Variants in FRMPD4 observed in about 807,000 individuals in gnomAD.
The protein encoded by FRMPD4 is FERM and PDZ domain containing 4.
Under a neutral mutation model 94.1 loss-of-function variants are expected in FRMPD4, and 22 were observed. That is an observed-to-expected ratio of 0.23 (90% CI 0.17 to 0.33). The LOEUF (loss-of-function observed/expected upper bound fraction) is 0.33, where lower values mean the gene tolerates loss of function less well. FRMPD4 is among the 10% of genes least tolerant of loss of function. The pLI, the probability that FRMPD4 is intolerant of heterozygous loss-of-function variation, is 1.00. For synonymous variants in FRMPD4, 631 were observed against 548.6 expected (o/e 1.15, Z -2.10); for missense variants, 1,111 against 1,339.9 (o/e 0.83, Z 2.67).
intron 3 of FRMPD4, among the ~76,000 whole-genome samples, chrX:11,880,584 T>G (rs190486367): frequency 8.9e-6 from 1 of 112,061 alleles, no homozygotes; most frequent in Non-Finnish European, 1.9e-5. Context: ...GTGCAATTTT[T>G]TTTGTTTTCC....
chrX:12,544,496 G>C (rs61522124), intron 2 of FRMPD4, among the ~76,000 whole-genome samples: 2 of 111,450 alleles, frequency 1.8e-5, no homozygotes, highest in African/African-American at 6.6e-5. Flanking sequence ...GGTTATTTCT[G>C]TTCTCATTTT....
At chrX:12,126,301 G>T (rs1257004100) in intron 3 of FRMPD4, among the ~76,000 whole-genome samples, 1 of 112,068 alleles carries the variant, frequency 8.9e-6, no homozygotes, top group Non-Finnish European at 1.9e-5. Context: ...AGGTCAGAAT[G>T]AATAGATAAT....
intron 2 of FRMPD4, among the ~76,000 whole-genome samples, chrX:12,520,642 T>G (rs1455088085): frequency 3.6e-5 from 4 of 112,070 alleles, no homozygotes; most frequent in Non-Finnish European, 5.6e-5. Context: ...TGCCTTACTC[T>G]TTGAGTTTCA....
intron 1 of FRMPD4, among the ~76,000 whole-genome samples, chrX:12,218,281 C>A (rs1365639158): frequency 9.0e-6 from 1 of 111,678 alleles, no homozygotes; most frequent in Non-Finnish European, 1.9e-5. Flanking sequence ...CAGTGACTTT[C>A]AAAAATGGTT....
chrX:12,638,868 G>A (rs772798175), intron 4 of FRMPD4, among the ~76,000 whole-genome samples: 1 of 110,817 alleles, frequency 9.0e-6, no homozygotes, highest in Non-Finnish European at 1.9e-5. Context: ...AGTTAATACC[G>A]GTAAAAATGT....
intron 8 of FRMPD4, among the ~76,000 whole-genome samples, chrX:12,692,949 G>A (rs1221494216): frequency 9.0e-6 from 1 of 111,516 alleles, no homozygotes; most frequent in Non-Finnish European, 1.9e-5. Flanking sequence ...CCAGTGATAA[G>A]TAGCCCATAG....
At chrX:11,978,321 C>CAAAAAAAAAAA (rs1172824155) in intron 3 of FRMPD4, among the ~76,000 whole-genome samples, 1 of 16,365 alleles carries the variant, frequency 6.1e-5, no homozygotes, top group Non-Finnish European at 1.0e-4. Context: ...AACTCCATCT[C>CAAAAAAAAAAA]AAAAAAAAAA....
intron 14 of FRMPD4, among the ~76,000 whole-genome samples, chrX:12,710,889 G>C (rs2041974027): frequency 9.0e-6 from 1 of 111,301 alleles, no homozygotes; most frequent in Non-Finnish European, 1.9e-5. Context: ...CTGGGTGACA[G>C]AGTGAGACTC....
intron 4 of FRMPD4, among the ~76,000 whole-genome samples, chrX:12,644,788 T>A (rs908294297): frequency 8.9e-6 from 1 of 112,016 alleles, no homozygotes; most frequent in South Asian, 3.7e-4. Flanking sequence ...AAGCTGAAAG[T>A]ACCACTCACA....
intron 2 of FRMPD4, among the ~76,000 whole-genome samples, chrX:12,565,313 A>G (rs55873771): frequency 0.44 from 48,864 of 110,047 alleles, 8,201 homozygotes; most frequent in Non-Finnish European, 0.52. Flanking sequence ...CTTGATTCCA[A>G]ACAGTAGAGT....
intron 3 of FRMPD4, among the ~76,000 whole-genome samples, chrX:12,101,460 T>A (rs1452409949): frequency 8.9e-6 from 1 of 111,919 alleles, no homozygotes; most frequent in Non-Finnish European, 1.9e-5. Context: ...GTTTAATCCC[T>A]CTTCTACATG....
intron 2 of FRMPD4, among the ~76,000 whole-genome samples, chrX:12,525,193 A>G (rs2058209794): frequency 9.0e-6 from 1 of 110,989 alleles, no homozygotes; most frequent in Non-Finnish European, 1.9e-5. Flanking sequence ...TTCTGATACC[A>G]AAGACTACCC....
At chrX:12,441,108 C>A (rs2057131434) in intron 1 of FRMPD4, among the ~76,000 whole-genome samples, 1 of 112,177 alleles carries the variant, frequency 8.9e-6, no homozygotes, top group Non-Finnish European at 1.9e-5. Context: ...GAACAACCTC[C>A]TCTTCACTGT....
intron 1 of FRMPD4, among the ~76,000 whole-genome samples, chrX:12,329,969 C>A (rs961971908): frequency 1.0e-4 from 11 of 110,023 alleles, no homozygotes; most frequent in African/African-American, 3.6e-4. Flanking sequence ...GCTTTTTCCA[C>A]CCCAGCTGTG....
intron 3 of FRMPD4, among the ~76,000 whole-genome samples, chrX:11,965,737 T>C (rs966368432): frequency 1.8e-5 from 2 of 111,924 alleles, no homozygotes; most frequent in Non-Finnish European, 3.8e-5. Flanking sequence ...TCTCTCAGCA[T>C]CTTAAATTTA....
chrX:12,504,001 C>T (rs1464853554), intron 2 of FRMPD4, among the ~76,000 whole-genome samples: 1 of 111,951 alleles, frequency 8.9e-6, no homozygotes, highest in Non-Finnish European at 1.9e-5. Flanking sequence ...TGGTTGTGCC[C>T]ATCATCCCCT....
chrX:12,020,615 A>T (rs767208941), intron 3 of FRMPD4, among the ~76,000 whole-genome samples: 26 of 112,183 alleles, frequency 2.3e-4, no homozygotes, highest in African/African-American at 7.4e-4. Context: ...GCCACATGGA[A>T]CTGCAGGGGA....
chrX:11,945,691 C>T (rs988516607), intron 3 of FRMPD4, among the ~76,000 whole-genome samples: 128 of 111,034 alleles, frequency 1.2e-3, no homozygotes, highest in African/African-American at 3.7e-3. Flanking sequence ...GGAGTAGGTG[C>T]CAGGCTCCTT....
intron 1 of FRMPD4, among the ~76,000 whole-genome samples, chrX:11,837,599 A>C (rs2053508278): frequency 8.9e-6 from 1 of 111,829 alleles, no homozygotes; most frequent in South Asian, 3.7e-4. Context: ...AGGGAATCTT[A>C]GAGCTCACCC....
Sources: gnomAD v4.1 joint callset for allele counts (sites outside exome capture counted in the v4.1 genomes callset) on GRCh38, gnomAD v4.1.1 for gene constraint, MANE v1.5 for transcripts, NCBI Gene and HGNC (gene_info 2026-07-23, HGNC 2026-07-21) for gene names.